The following SLC2A12 variants were observed in gnomAD, a reference collection of about 807,000 sequenced individuals.
The protein encoded by SLC2A12 is solute carrier family 2 member 12, also known as solute carrier family 2, facilitated glucose transporter member 12.
In SLC2A12, 23 loss-of-function variants were observed where a neutral mutation model predicts 41.8. That is an observed-to-expected ratio of 0.55 (90% CI 0.40 to 0.78). The LOEUF (loss-of-function observed/expected upper bound fraction) is 0.78. Among genes scored for constraint, SLC2A12 ranks in the 30% least tolerant of loss-of-function variants. SLC2A12 has a pLI of 0.00. For missense variants in SLC2A12, 654 were observed against 745.6 expected (o/e 0.88, Z 1.43); for synonymous variants, 295 against 285.9 (o/e 1.03, Z -0.32).
At chr6:134,031,864 G>A (rs1186118818) in intron 1 of SLC2A12, among the ~76,000 whole-genome samples, 2 of 152,072 alleles carry the variant, frequency 1.3e-5, no homozygotes, top group South Asian at 4.1e-4. Context: ...CACAGGAATG[G>A]GTGAGATCAC....
At chr6:134,021,390 T>C (rs1184813913) in intron 2 of SLC2A12, among the ~76,000 whole-genome samples, 1 of 152,120 alleles carries the variant, frequency 6.6e-6, no homozygotes, top group East Asian at 1.9e-4. Context: ...AAAGAAAAAA[T>C]ATGAGATGTT....
chr6:134,018,631 T>G (rs1045932998), intron 2 of SLC2A12, among the ~76,000 whole-genome samples: 1 of 152,190 alleles, frequency 6.6e-6, no homozygotes, highest in African/African-American at 2.4e-5. Context: ...CACTATCATA[T>G]CGGAAATAAC....
At chr6:133,995,949 C>G (rs1582595208) in intron 4 of SLC2A12, among the ~76,000 whole-genome samples, 2 of 152,184 alleles carry the variant, frequency 1.3e-5, no homozygotes, top group South Asian at 2.1e-4. Context: ...CCCTATCTTC[C>G]AAGGTTGGCT....
In SLC2A12 at chr6:134,028,522, C is replaced by G; in HGVS notation, c.1303G>C (p.Ala435Pro). The part of the protein sequence containing the change: ...DVDKRGETTS[A>P]SLLNAGLSHT... ...CTTAATCCAGCATTTAGCAAGGATGCTGAGGTCGTCTCCCCTCTCTTATCC... is the reference window on the plus strand; with the variant it reads ...CTTAATCCAGCATTTAGCAAGGATGGTGAGGTCGTCTCCCCTCTCTTATCC... Residue 435 changes from alanine (A) to proline (P), a missense_variant, in exon 2 of 5, where the codon GCA becomes CCA. Coordinates refer to ENST00000275230, the MANE Select transcript of SLC2A12 (RefSeq NM_145176.3). 6.2e-7 allele frequency: 1 copy of G among 1,614,160 alleles called. No homozygotes were observed. The highest frequency in any genetic ancestry group is 2.2e-5 in the East Asian group (1 of 44,884).
In SLC2A12 at chr6:133,989,612, T is replaced by A. The variant is rs1203023195; in HGVS notation, c.*1543A>T. On this transcript the variant is annotated 3_prime_UTR_variant, in exon 5 of 5. Coordinates refer to ENST00000275230, the MANE Select transcript of SLC2A12 (RefSeq NM_145176.3). ...GATAGAATTGAGATCTCCAATCTCCTTTCCTTTTAGCTTCCCCCTGCCAAT... is the reference window on the plus strand; with the variant it reads ...GATAGAATTGAGATCTCCAATCTCCATTCCTTTTAGCTTCCCCCTGCCAAT... The A allele has an allele frequency of 6.6e-6, 1 of 152,176 alleles. No homozygotes were observed. Among genetic ancestry groups the A allele is most frequent in the Non-Finnish European group, 1.5e-5 (1 of 68,024 alleles). 9.4% of individuals were successfully genotyped at this position (152,176 alleles called of 1,614,324 possible).
intron 4 of SLC2A12, among the ~76,000 whole-genome samples, chr6:133,999,904 G>C (rs1324002907): frequency 6.6e-6 from 1 of 152,202 alleles, no homozygotes. Context: ...CGGTGTCCTG[G>C]CATCTCAGTT....
intron 2 of SLC2A12, among the ~76,000 whole-genome samples, chr6:134,015,327 G>T (rs1331561091): frequency 6.6e-6 from 1 of 152,126 alleles, no homozygotes; most frequent in African/African-American, 2.4e-5. Context: ...TGTGTGGGGG[G>T]AAGGAGAGCA....
intron 3 of SLC2A12, 115 bp downstream of exon 3, chr6:134,006,697 T>G (rs878879711): frequency 3.0e-6 from 4 of 1,347,830 alleles, no homozygotes; most frequent in South Asian, 2.9e-5. Flanking sequence ...ATGGCCGTTC[T>G]CCTTCTAAGT....
intron 2 of SLC2A12, among the ~76,000 whole-genome samples, chr6:134,007,747 G>A (rs140206758): frequency 2.0e-5 from 3 of 152,228 alleles, no homozygotes; most frequent in African/African-American, 4.8e-5. Context: ...CTTACTGTGG[G>A]CTTTTACAAA....
chr6:134,042,321 G>C (rs540891001), intron 1 of SLC2A12, among the ~76,000 whole-genome samples: 4 of 152,200 alleles, frequency 2.6e-5, no homozygotes, highest in African/African-American at 9.6e-5. Context: ...GGTCCTTTTA[G>C]GAAGAGCAAT....
intron 2 of SLC2A12, among the ~76,000 whole-genome samples, chr6:134,016,534 A>G (rs964184521): frequency 2.6e-5 from 4 of 151,996 alleles, no homozygotes; most frequent in Non-Finnish European, 5.9e-5. Flanking sequence ...GTCTCTGACC[A>G]AGGAATCTTG....
chr6:133,994,362 T>TA (rs1776657395), intron 4 of SLC2A12, among the ~76,000 whole-genome samples: 1 of 152,152 alleles, frequency 6.6e-6, no homozygotes, highest in South Asian at 2.1e-4. Context: ...AGCAGTTGAA[T>TA]AAACAAGCCT....
intron 1 of SLC2A12, among the ~76,000 whole-genome samples, chr6:134,036,388 A>G (rs1777300644): frequency 6.6e-6 from 1 of 152,084 alleles, no homozygotes; most frequent in South Asian, 2.1e-4. Context: ...CATCTCTACT[A>G]CCACCTCATT....
chr6:134,006,783 G>A (rs1776821488), intron 3 of SLC2A12, 29 bp downstream of exon 3: 1 of 1,612,872 alleles, frequency 6.2e-7, no homozygotes, highest in Admixed American at 1.7e-5. Context: ...GAGGACCAAA[G>A]ACATTAGAGG....
At chr6:134,052,250 T>TACACACAC (rs55702666) in intron 1 of SLC2A12, 128 bp downstream of exon 1, 37,316 of 369,820 alleles carry the variant, frequency 0.1, 2,073 homozygotes, top group Non-Finnish European at 0.11. Flanking sequence ...CGCGCGCGCA[T>TACACACAC]ACACACACAC....
At chr6:134,042,623 AG>A (rs1272414943) in intron 1 of SLC2A12, among the ~76,000 whole-genome samples, 44 of 152,194 alleles carry the variant, frequency 2.9e-4, no homozygotes, top group Middle Eastern at 3.4e-3. Flanking sequence ...AGAGACACCA[AG>A]AGCTCAGTAT....
chr6:133,998,714 G>A (rs1304367045), intron 4 of SLC2A12, among the ~76,000 whole-genome samples: 1 of 152,080 alleles, frequency 6.6e-6, no homozygotes, highest in Non-Finnish European at 1.5e-5. Flanking sequence ...CTAATATTTT[G>A]TGTTTTTGGT....
intron 2 of SLC2A12, among the ~76,000 whole-genome samples, chr6:134,015,014 C>A (rs1372204199): frequency 2.0e-5 from 3 of 152,190 alleles, no homozygotes; most frequent in African/African-American, 7.2e-5. Context: ...TAATACAGAA[C>A]CACATGAATG....
At chr6:134,040,538 C>G (rs1441386166) in intron 1 of SLC2A12, among the ~76,000 whole-genome samples, 1 of 152,218 alleles carries the variant, frequency 6.6e-6, no homozygotes, top group Non-Finnish European at 1.5e-5. Flanking sequence ...CTGTACCCAT[C>G]CTCCTGTTCC....
Sources: gnomAD v4.1 joint callset for allele counts (sites outside exome capture counted in the v4.1 genomes callset) on GRCh38, gnomAD v4.1.1 for gene constraint, MANE v1.5 for transcripts, NCBI Gene and HGNC (gene_info 2026-07-23, HGNC 2026-07-21) for gene names.